PCLO: variants seen among roughly 807,000 people sequenced by gnomAD.
PCLO encodes the protein protein piccolo.
A neutral mutation model predicts 427.5 loss-of-function variants in PCLO; 82 were observed. The ratio of observed to expected loss-of-function variants is 0.19; its 90% CI spans 0.16 to 0.23. The LOEUF (loss-of-function observed/expected upper bound fraction) is 0.23, where lower values mean the gene tolerates loss of function less well. PCLO is among the 10% of genes least tolerant of loss of function. The pLI, the probability that PCLO is intolerant of heterozygous loss-of-function variation, is 1.00. For missense variants in PCLO, 6,239 were observed against 6,115.9 expected, an observed-to-expected ratio of 1.02 and a Z score of -0.67; for synonymous variants, 2,357 against 2,155.4, an observed-to-expected ratio of 1.09 and a Z score of -2.59.
At chr7:82,847,070 T>G (rs1438509142) in intron 11 of PCLO, 69 bp downstream of exon 11, 1 of 779,940 alleles carries the variant, frequency 1.3e-6, no homozygotes, top group East Asian at 2.6e-5. Context: ...GGTTCCACCT[T>G]AACAATTTTA....
chr7:83,017,487 A>G (rs1265049527), intron 3 of PCLO, among the ~76,000 whole-genome samples: 3 of 152,060 alleles, frequency 2.0e-5, no homozygotes, highest in African/African-American at 7.2e-5. Context: ...ACATTTGTCA[A>G]TATCTTTCCT....
chr7:82,938,528 T>TA (rs998618313), intron 6 of PCLO, among the ~76,000 whole-genome samples: 6 of 151,922 alleles, frequency 3.9e-5, no homozygotes, highest in Admixed American at 3.9e-4. Flanking sequence ...TTCAAAAACT[T>TA]ATTGGGGCAG....
chr7:82,959,030 A>G (rs114077834), intron 4 of PCLO, among the ~76,000 whole-genome samples: 1,602 of 152,256 alleles, frequency 0.011, 32 homozygotes, highest in African/African-American at 0.037. Flanking sequence ...ATCTTTCACA[A>G]TCAAACTTTG....
rs146360963 is a variant in PCLO, at chr7:82,794,734, A to G, written c.15007+6784T>C. The stretch of plus-strand genomic sequence containing the variant: ...AGCAATCTGTTCTCCTCGGTCTCCC[A>G]AAGTGCTAGGACTAGAGACATGAGC... On this transcript the variant is annotated intron_variant, in intron 22 of 24. Transcript: ENST00000333891. Among the ~76,000 whole-genome samples, 1,365 of 151,968 alleles carry G rather than the reference A, an allele frequency of 9.0e-3. 26 individuals are homozygous for G. Among genetic ancestry groups the G allele is most frequent in the African/African-American group, 0.031 (1,284 of 41,522 alleles).
chr7:83,051,623 CCTTT>C (rs1789256722), intron 3 of PCLO, among the ~76,000 whole-genome samples: 1 of 152,058 alleles, frequency 6.6e-6, no homozygotes, highest in African/African-American at 2.4e-5. Context: ...AAGTTGTCAA[CCTTT>C]CTAATTTGAT....
intron 19 of PCLO, among the ~76,000 whole-genome samples, chr7:82,823,215 G>C: frequency 6.6e-6 from 1 of 152,140 alleles, no homozygotes; most frequent in East Asian, 1.9e-4. Context: ...AGATGGCTAA[G>C]TGGAACCCAT....
intron 3 of PCLO, among the ~76,000 whole-genome samples, chr7:83,025,346 G>C (rs1433004099): frequency 8.6e-5 from 13 of 151,106 alleles, no homozygotes; most frequent in Non-Finnish European, 1.9e-4. Context: ...CTGGAAGAAA[G>C]GGTATCAGCA....
At chr7:82,849,028 G>C (rs1792579752) in intron 10 of PCLO, 1 of 245,414 alleles carries the variant, frequency 4.1e-6, no homozygotes, top group African/African-American at 2.2e-5. Context: ...TTTTAAATAA[G>C]GAGGAAGAGT....
At chr7:82,931,693 C>T (rs576207241) in intron 6 of PCLO, among the ~76,000 whole-genome samples, 1 of 152,180 alleles carries the variant, frequency 6.6e-6, no homozygotes, top group East Asian at 1.9e-4. Context: ...TTTATCAAAG[C>T]ATGCAAGCAA....
intron 3 of PCLO, among the ~76,000 whole-genome samples, chr7:83,043,484 A>G (rs147781063): frequency 6.6e-6 from 1 of 152,318 alleles, no homozygotes; most frequent in East Asian, 1.9e-4. Context: ...AATGTATTGG[A>G]TATTTGATTA....
At chr7:82,803,875 GAGA>G (rs1276116036) in intron 21 of PCLO, among the ~76,000 whole-genome samples, 1 of 152,038 alleles carries the variant, frequency 6.6e-6, no homozygotes, top group Non-Finnish European at 1.5e-5. Context: ...AGACAGTTGT[GAGA>G]AGCTTTGATT....
intron 20 of PCLO, chr7:82,820,472 A>C: frequency 8.5e-7 from 1 of 1,173,622 alleles, no homozygotes; most frequent in Non-Finnish European, 1.1e-6. Context: ...CTCAGAACCC[A>C]GTAGTTTATG....
chr7:83,130,744 A>G (rs1034933838), intron 3 of PCLO, among the ~76,000 whole-genome samples: 5 of 152,166 alleles, frequency 3.3e-5, no homozygotes, highest in African/African-American at 9.7e-5. Flanking sequence ...GAAGCCACCC[A>G]GGCAGACAGA....
intron 22 of PCLO, among the ~76,000 whole-genome samples, chr7:82,787,761 T>TA (rs1450619854): frequency 2.6e-5 from 4 of 151,944 alleles, no homozygotes; most frequent in Non-Finnish European, 4.4e-5. Flanking sequence ...GGCTGACTAT[T>TA]TAAAAAAACC....
At chr7:83,071,797 T>C (rs1789823378) in intron 3 of PCLO, among the ~76,000 whole-genome samples, 1 of 152,132 alleles carries the variant, frequency 6.6e-6, no homozygotes, top group Admixed American at 6.5e-5. Context: ...AATATACTGA[T>C]CTTTATTTGG....
chr7:82,877,048 G>A (rs1017287810), intron 10 of PCLO, among the ~76,000 whole-genome samples: 1 of 152,184 alleles, frequency 6.6e-6, no homozygotes, highest in African/African-American at 2.4e-5. Context: ...AATAAAATAA[G>A]AAGGATTTAG....
chr7:83,153,630 A>G (rs1390491723), intron 2 of PCLO, among the ~76,000 whole-genome samples: 2 of 152,212 alleles, frequency 1.3e-5, no homozygotes, highest in Non-Finnish European at 2.9e-5. Flanking sequence ...TGTCCTCCAG[A>G]CAGGCTAAAT....
chr7:82,995,522 C>T (rs1191745879), intron 3 of PCLO, among the ~76,000 whole-genome samples: 2 of 151,874 alleles, frequency 1.3e-5, no homozygotes, highest in Non-Finnish European at 2.9e-5. Flanking sequence ...TCATAAAACA[C>T]AAGTAGCTCT....
At chr7:82,903,279 G>T (rs770666346) in intron 8 of PCLO, among the ~76,000 whole-genome samples, 54 of 151,896 alleles carry the variant, frequency 3.6e-4, no homozygotes, top group Non-Finnish European at 6.5e-4. Context: ...ACAGGTACTA[G>T]AAGTTTCATT....
Sources: gnomAD v4.1 joint callset for allele counts (sites outside exome capture counted in the v4.1 genomes callset) on GRCh38, gnomAD v4.1.1 for gene constraint, MANE v1.5 for transcripts, NCBI Gene and HGNC (gene_info 2026-07-23, HGNC 2026-07-21) for gene names.